Variants in SLC9A7 observed in about 807,000 individuals in gnomAD.
SLC9A7 encodes solute carrier family 9 member A7, also known as sodium/hydrogen exchanger 7.
Under a neutral mutation model 52.6 loss-of-function variants are expected in SLC9A7, and 19 were observed. The observed-to-expected ratio is 0.36, with a 90% CI of 0.25 to 0.53. The LOEUF (loss-of-function observed/expected upper bound fraction) is 0.53. Among genes scored for constraint, SLC9A7 ranks in the 20% least tolerant of loss-of-function variants. The pLI is 0.91. For missense variants in SLC9A7, 455 were observed against 597.9 expected (o/e 0.76, Z 2.49); for synonymous variants, 226 against 252.1 (o/e 0.90, Z 0.98).
At chrX:46,627,068 C>A (rs1241416351) in intron 14 of SLC9A7, among the ~76,000 whole-genome samples, 1 of 111,448 alleles carries the variant, frequency 9.0e-6, no homozygotes, top group African/African-American at 3.3e-5. Context: ...CCTGTAATCC[C>A]TGCACTTTGG....
At chrX:46,686,903 C>G (rs1944304049) in intron 1 of SLC9A7, among the ~76,000 whole-genome samples, 2 of 112,045 alleles carry the variant, frequency 1.8e-5, no homozygotes, top group African/African-American at 6.5e-5. Flanking sequence ...ATGGTAAACT[C>G]CAAAGGGGCA....
In SLC9A7 at chrX:46,662,148, A is replaced by G; in HGVS notation, c.909T>C (p.Val303=). The G allele has an allele frequency of 8.3e-7, 1 of 1,207,497 alleles. No individual in the cohort carries two copies. Among genetic ancestry groups the G allele is most frequent in the African/African-American group, 1.7e-5 (1 of 57,641 alleles). The change falls in exon 7 of 17, where the codon GTT becomes GTC. Residue 303 remains valine (V), a synonymous_variant. Transcript: ENST00000616978. Reference sequence around the variant, plus strand: ...TGTTCAGTCCCGCTGGCTGGTAGGCAACAATAGACCTAAAGTTTAAAAACA... The same window carrying G: ...TGTTCAGTCCCGCTGGCTGGTAGGCGACAATAGACCTAAAGTTTAAAAACA... ...AVAIVLSSSI[V]AYQPAGLNTH... is the part of the protein sequence containing the mutation.
In SLC9A7 at chrX:46,716,675, T is replaced by C. The variant is rs190095319; in HGVS notation, c.326-34140A>G. On this transcript the variant is annotated intron_variant, in intron 1 of 16. Transcript: ENST00000616978. ...AATATCCATTGTAACCATTAGCAAA[T>C]TGGAGATCTAACTGATTTATACCCA... is the stretch of plus-strand genomic sequence containing the variant. Among the ~76,000 whole-genome samples, 23 of 112,419 alleles carry C rather than the reference T, an allele frequency of 2.0e-4. No individual in the cohort carries two copies. The East Asian group carries it at 4.7e-3, about 23-fold the overall frequency.
At chrX:46,685,422 A>T (rs1490325779) in intron 1 of SLC9A7, 1 of 112,499 alleles carries the variant, frequency 8.9e-6, no homozygotes, top group Non-Finnish European at 1.9e-5. Context: ...TGTGGACGAA[A>T]CCATATATAT....
At position 46,606,315 on chromosome X, in the gene SLC9A7, C is replaced by A; in HGVS notation, c.*637G>T. 1.3e-6 allele frequency: 1 copy of A among 753,102 alleles called. No individual in the cohort carries two copies. The highest frequency in any genetic ancestry group is 6.7e-5 in the South Asian group (1 of 14,836). 62.1% of individuals were successfully genotyped at this position (753,102 alleles called of 1,213,427 possible). A position where few individuals can be genotyped will look rare whatever the true frequency, so the allele number is the denominator to read the frequency against. ...TTTATGGATATAGCCAGAGAAGGAA[C>A]TATAATTCTTCGTTCCATGTTGAAA... On this transcript the variant is annotated 3_prime_UTR_variant, in exon 17 of 17. Coordinates refer to ENST00000616978, the MANE Select transcript of SLC9A7 (RefSeq NM_001257291.2).
intron 16 of SLC9A7, among the ~76,000 whole-genome samples, chrX:46,607,446 G>A (rs771264932): frequency 1.8e-5 from 2 of 111,503 alleles, no homozygotes; most frequent in African/African-American, 3.3e-5. Context: ...CTTGGGGTTA[G>A]TGAAAAAGGG....
intron 1 of SLC9A7, among the ~76,000 whole-genome samples, chrX:46,725,970 C>T (rs1321706793): frequency 8.9e-6 from 1 of 112,342 alleles, no homozygotes; most frequent in Non-Finnish European, 1.9e-5. Flanking sequence ...AGCTCAGCTT[C>T]ATCATTTACT....
intron 1 of SLC9A7, 69 bp from the exon 2 acceptor site, chrX:46,682,604 T>A: frequency 1.0e-6 from 1 of 991,544 alleles, no homozygotes; most frequent in Non-Finnish European, 1.4e-6. Flanking sequence ...AATGGCATAG[T>A]TGACTTTCAA....
At chrX:46,740,902 G>GC (rs1556276469) in intron 1 of SLC9A7, among the ~76,000 whole-genome samples, 3 of 45,096 alleles carry the variant, frequency 6.7e-5, no homozygotes, top group Non-Finnish European at 1.5e-4. Flanking sequence ...TATGAAATAA[G>GC]CAAAAAAAAA....
chrX:46,658,495 AAGAG>A (rs1172198513), intron 7 of SLC9A7, among the ~76,000 whole-genome samples: 1 of 110,941 alleles, frequency 9.0e-6, no homozygotes, highest in Non-Finnish European at 1.9e-5. Context: ...TAAAGAAAAA[AAGAG>A]AGAAGAATCA....
chrX:46,656,479 A>C (rs1416871900), intron 7 of SLC9A7, among the ~76,000 whole-genome samples: 3 of 112,540 alleles, frequency 2.7e-5, no homozygotes, highest in African/African-American at 9.7e-5. Context: ...TTTGAAAAAA[A>C]TTTAGAAGAA....
At chrX:46,623,013 C>T (rs1260517848) in intron 14 of SLC9A7, among the ~76,000 whole-genome samples, 3 of 112,605 alleles carry the variant, frequency 2.7e-5, no homozygotes, top group African/African-American at 9.7e-5. Context: ...TAAACAACTT[C>T]TTATTCCAAG....
intron 1 of SLC9A7, among the ~76,000 whole-genome samples, chrX:46,758,409 G>A (rs1420160346): frequency 8.9e-6 from 1 of 112,005 alleles, no homozygotes; most frequent in African/African-American, 3.2e-5. Flanking sequence ...GCGGGAGGTG[G>A]TGGGTAAGAG....
At chrX:46,734,743 A>T (rs1945095395) in intron 1 of SLC9A7, among the ~76,000 whole-genome samples, 1 of 110,511 alleles carries the variant, frequency 9.0e-6, no homozygotes, top group Admixed American at 9.7e-5. Context: ...AATTTTATTG[A>T]GTTATAATTC....
In SLC9A7 at chrX:46,648,670, A is replaced by T. The variant is rs1026177256; in HGVS notation, c.1462+16T>A. On this transcript the variant is annotated intron_variant, in intron 11 of 16. Transcript: ENST00000616978. Reference sequence around the variant, plus strand: ...GCTGAATAAAACTCATTTTCTTTACACTTACGCCTTTTTACCTGAAAACAT... The same window carrying T: ...GCTGAATAAAACTCATTTTCTTTACTCTTACGCCTTTTTACCTGAAAACAT... The T allele has an allele frequency of 9.0e-7, 1 of 1,116,004 alleles. No individual in the cohort carries two copies. Among genetic ancestry groups the T allele is most frequent in the Non-Finnish European group, 1.2e-6 (1 of 810,312 alleles). The allele number at this position is 1,116,004 out of a possible 1,213,427, so 92.0% of individuals were successfully genotyped here. A position where few individuals can be genotyped will look rare whatever the true frequency, so the allele number is the denominator to read the frequency against.
chrX:46,621,601 G>A (rs957574444), intron 14 of SLC9A7, among the ~76,000 whole-genome samples: 1 of 110,865 alleles, frequency 9.0e-6, no homozygotes, highest in Non-Finnish European at 1.9e-5. Context: ...TAGGAAGGTG[G>A]GATCAGTGGG....
chrX:46,672,318 CA>C lies in SLC9A7; in HGVS notation c.680+232del, dbSNP rs1322064339. On this transcript the variant is annotated intron_variant, in intron 4 of 16. Transcript: ENST00000616978. Reference sequence around the variant, plus strand: ...TGCAAGGGGCTCTGGTTGTTTTTATCAAAGAATGATAACAGAAACCAAGATC... The same window carrying C: ...TGCAAGGGGCTCTGGTTGTTTTTATCAAGAATGATAACAGAAACCAAGATC... Among the ~76,000 whole-genome samples, 6 of 111,877 alleles carry C rather than the reference CA, an allele frequency of 5.4e-5. No individual in the cohort carries two copies. The East Asian group carries it at 1.7e-3, about 31-fold the overall frequency.
chrX:46,610,613 C>A (rs1942832405), intron 16 of SLC9A7, among the ~76,000 whole-genome samples: 1 of 111,617 alleles, frequency 9.0e-6, no homozygotes, highest in Admixed American at 9.6e-5. Context: ...CTAGGCAGGA[C>A]CCCGGCTCAA....
Position 46,643,351 on chromosome X carries a change from C to T in SLC9A7, c.1501G>A (p.Asp501Asn). The T allele has an allele frequency of 8.3e-7, 1 of 1,211,042 alleles. No homozygotes were observed. Among genetic ancestry groups the T allele is most frequent in the Non-Finnish European group, 1.1e-6 (1 of 894,947 alleles). ...GAMAFALAIR[D>N]TASYARQMMF... ...ATCTGGCGAGCATAGGATGCCGTGT[C>T]ACGGATGGCCAACGCAAATGCCATT... Residue 501 changes from aspartate (D) to asparagine (N), a missense_variant, in exon 12 of 17, where the codon GAC becomes AAC. By Grantham distance (23) the Asp-to-Asn change is conservative. Around this residue, in one of 3 missense-constraint regions of SLC9A7, gnomAD observed 304 missense variants for 417.8 expected, o/e 0.73. Transcript: ENST00000616978.
Sources: allele counts gnomAD v4.1 joint callset (sites outside exome capture counted in the v4.1 genomes callset), GRCh38; gene constraint gnomAD v4.1.1; regional missense constraint gnomAD v4.1.1; transcripts MANE v1.5; gene names NCBI Gene and HGNC (gene_info 2026-07-23, HGNC 2026-07-21).